RSBN1L: variants seen among roughly 807,000 people sequenced by gnomAD.
RSBN1L encodes lysine-specific demethylase RSBN1L.
RSBN1L carries 30 observed loss-of-function variants against 67.7 expected under a neutral mutation model. The ratio of observed to expected loss-of-function variants is 0.44; its 90% confidence interval spans 0.33 to 0.60. The LOEUF (loss-of-function observed/expected upper bound fraction) is 0.60. Ranked by LOEUF, RSBN1L falls within the 20% of genes least tolerant of loss-of-function variation. RSBN1L has a pLI of 0.02. For missense variants in RSBN1L, 992 were observed against 1,031.7 expected (o/e 0.96, Z 0.53); for synonymous variants, 433 against 387.0 (o/e 1.12, Z -1.39).
chr7:77,697,127 C>T, intron 1 of RSBN1L, 72 bp downstream of exon 1: 2 of 1,283,702 alleles, frequency 1.6e-6, no homozygotes, highest in Non-Finnish European at 2.0e-6. Flanking sequence ...CCACGGGGCC[C>T]GGGAAGGGGG....
At chr7:77,711,695 A>G (rs1490661353) in intron 1 of RSBN1L, among the ~76,000 whole-genome samples, 1 of 152,188 alleles carries the variant, frequency 6.6e-6, no homozygotes, top group African/African-American at 2.4e-5. Context: ...AATAAATAGA[A>G]GTAAAGGAGG....
At chr7:77,770,888 C>T (rs1019321010) in intron 5 of RSBN1L, among the ~76,000 whole-genome samples, 1 of 152,056 alleles carries the variant, frequency 6.6e-6, no homozygotes, top group Non-Finnish European at 1.5e-5. Context: ...ATTAGGTTAA[C>T]GTGGATTGGA....
At chr7:77,701,853 A>C (rs1298928530) in intron 1 of RSBN1L, among the ~76,000 whole-genome samples, 1 of 151,704 alleles carries the variant, frequency 6.6e-6, no homozygotes, top group African/African-American at 2.4e-5. Flanking sequence ...GGGTTCCTCC[A>C]TGTTGGCCGG....
Position 77,742,698 on chromosome 7 carries a change from G to A in RSBN1L, c.703+6172G>A, listed in dbSNP as rs1251294618. Among the ~76,000 whole-genome samples, 5 of 152,130 alleles carry A rather than the reference G, an allele frequency of 3.3e-5. No homozygotes were observed. In the South Asian group the frequency reaches 8.3e-4, roughly 25 times the overall value. ...ACTAAAAATACAAAATTAGCCAGGC[G>A]TGGTGGTGCATGCCTGTAATTCCAG... On this transcript the variant is annotated intron_variant, in intron 2 of 7. Transcript: ENST00000334955.
chr7:77,698,899 A>G (rs1490208551), intron 1 of RSBN1L, among the ~76,000 whole-genome samples: 1 of 152,058 alleles, frequency 6.6e-6, no homozygotes, highest in Non-Finnish European at 1.5e-5. Context: ...TTAATGGTGA[A>G]AATTTTTCCC....
At chr7:77,761,598 G>C (rs567176267) in intron 3 of RSBN1L, among the ~76,000 whole-genome samples, 1 of 152,310 alleles carries the variant, frequency 6.6e-6, no homozygotes, top group East Asian at 1.9e-4. Flanking sequence ...TGTGAAAAGC[G>C]TGTGGATTTT....
At chr7:77,720,599 A>G (rs1201571751) in intron 1 of RSBN1L, among the ~76,000 whole-genome samples, 1 of 152,134 alleles carries the variant, frequency 6.6e-6, no homozygotes, top group Non-Finnish European at 1.5e-5. Flanking sequence ...ATCTATACAG[A>G]TGAGATTACT....
At chr7:77,744,340 G>GT (rs1480201642) in intron 2 of RSBN1L, among the ~76,000 whole-genome samples, 1 of 147,242 alleles carries the variant, frequency 6.8e-6, no homozygotes, top group African/African-American at 2.5e-5. Flanking sequence ...CTGGCCTACT[G>GT]TTTGACTTTT....
chr7:77,736,792 C>T (rs182162999), intron 2 of RSBN1L, among the ~76,000 whole-genome samples: 1 of 152,068 alleles, frequency 6.6e-6, no homozygotes, highest in Non-Finnish European at 1.5e-5. Context: ...TAAGTTAATT[C>T]TATGTTTGCA....
chr7:77,726,395 T>C (rs1362993376), intron 1 of RSBN1L, among the ~76,000 whole-genome samples: 1 of 152,174 alleles, frequency 6.6e-6, no homozygotes, highest in East Asian at 1.9e-4. Context: ...TTGTTTGAGG[T>C]GTACCAGTTA....
intron 5 of RSBN1L, among the ~76,000 whole-genome samples, chr7:77,769,819 T>C (rs1468243513): frequency 6.6e-6 from 1 of 152,222 alleles, no homozygotes; most frequent in Non-Finnish European, 1.5e-5. Context: ...ATTAATATTA[T>C]AGGCTGGTAG....
intron 5 of RSBN1L, among the ~76,000 whole-genome samples, chr7:77,770,688 A>G (rs896081175): frequency 9.9e-5 from 15 of 152,192 alleles, no homozygotes; most frequent in African/African-American, 3.6e-4. Flanking sequence ...CTCTTAAAAA[A>G]AAAATGGTGA....
intron 1 of RSBN1L, among the ~76,000 whole-genome samples, chr7:77,710,741 G>A (rs1156695813): frequency 6.6e-6 from 1 of 151,880 alleles, no homozygotes; most frequent in East Asian, 1.9e-4. Flanking sequence ...GATTACAGGC[G>A]CCTGCCATCA....
chr7:77,765,587 T>C lies in RSBN1L; in HGVS notation c.1437T>C (p.Tyr479=). The C allele has an allele frequency of 6.2e-7, 1 of 1,610,846 alleles. No individual in the cohort carries two copies. Among genetic ancestry groups the C allele is most frequent in the South Asian group, 1.1e-5 (1 of 90,416 alleles). Reference sequence around the variant, plus strand: ...CAGTTGATGAAGAAGTAGGAGATTATTTCCCTGAGTTCCTTGACATGTTGG... The same window carrying C: ...CAGTTGATGAAGAAGTAGGAGATTACTTCCCTGAGTTCCTTGACATGTTGG... ...VGAVDEEVGD[Y]FPEFLDMLEE... is the part of the protein sequence containing the mutation. The change falls in exon 4 of 8, where the codon TAT becomes TAC. Residue 479 remains tyrosine, a synonymous_variant. Coordinates refer to ENST00000334955, the MANE Select transcript of RSBN1L (RefSeq NM_198467.3).
At chr7:77,743,490 CT>C (rs141203826) in intron 2 of RSBN1L, among the ~76,000 whole-genome samples, 2,686 of 135,084 alleles carry the variant, frequency 0.02, 35 homozygotes, top group Middle Eastern at 0.075. Flanking sequence ...AAAGGAATCT[CT>C]TAACTGATTT....
chr7:77,727,575 T>C (rs181913504), intron 1 of RSBN1L, among the ~76,000 whole-genome samples: 143 of 152,228 alleles, frequency 9.4e-4, no homozygotes, highest in African/African-American at 3.3e-3. Context: ...GCTCAGTTAG[T>C]AGCAGGGACT....
intron 1 of RSBN1L, among the ~76,000 whole-genome samples, chr7:77,715,170 G>A (rs1791030391): frequency 6.6e-6 from 1 of 152,096 alleles, no homozygotes; most frequent in Admixed American, 6.6e-5. Flanking sequence ...TACTTGGGAG[G>A]CTGAGACATG....
chr7:77,710,695 A>G (rs1253051676), intron 1 of RSBN1L, among the ~76,000 whole-genome samples: 3 of 152,020 alleles, frequency 2.0e-5, no homozygotes. Flanking sequence ...TCCTGGATTC[A>G]GGTGATTCTC....
rs551642239 is a variant in RSBN1L, at chr7:77,779,150, C to T, written c.2523C>T (p.Asp841=). The T allele has an allele frequency of 6.1e-5, 96 of 1,580,782 alleles. 1 individual carries two copies. Among genetic ancestry groups the T allele is most frequent in the Admixed American group, 3.5e-4 (18 of 51,390 alleles). Residue 841 remains aspartate, a synonymous_variant, in exon 8 of 8, where the codon GAC becomes GAT. Coordinates refer to ENST00000334955, the MANE Select transcript of RSBN1L (RefSeq NM_198467.3). ...SSAHSNQDKK[D]DDILC ...CACATTCAAATCAAGATAAAAAAGA[C>T]GATGACATTTTGTGCTAAATTTGCA...
Sources: gnomAD v4.1 joint callset for allele counts (sites outside exome capture counted in the v4.1 genomes callset) on GRCh38, gnomAD v4.1.1 for gene constraint, MANE v1.5 for transcripts, NCBI Gene and HGNC (gene_info 2026-07-23, HGNC 2026-07-21) for gene names.